INPP4B: variants seen among roughly 807,000 people sequenced by gnomAD.
INPP4B encodes inositol polyphosphate-4-phosphatase type II B, also known as inositol polyphosphate 4-phosphatase type II.
In INPP4B, 55 loss-of-function variants were observed where a neutral mutation model predicts 122.5. That is an observed-to-expected ratio of 0.45 (90% CI 0.36 to 0.56). The LOEUF is 0.56. Ranked by LOEUF, INPP4B falls within the 20% of genes least tolerant of loss-of-function variation. The pLI, the probability that INPP4B is intolerant of heterozygous loss-of-function variation, is 0.00. For synonymous variants in INPP4B, 403 were observed against 388.7 expected (o/e 1.04, Z -0.43); for missense variants, 1,000 against 1,097.7 (o/e 0.91, Z 1.26).
intron 2 of INPP4B, among the ~76,000 whole-genome samples, chr4:142,484,725 A>G (rs1820998338): frequency 6.6e-6 from 1 of 151,948 alleles, no homozygotes; most frequent in Admixed American, 6.6e-5. Flanking sequence ...TAAGCCTAGT[A>G]TCCATTAGTT....
chr4:142,087,832 A>C (rs1199082684), intron 23 of INPP4B, among the ~76,000 whole-genome samples: 2 of 152,196 alleles, frequency 1.3e-5, no homozygotes, highest in Non-Finnish European at 2.9e-5. Flanking sequence ...TACTAGTGAT[A>C]TATATCTAAG....
chr4:142,365,532 A>G (rs1461266931), intron 7 of INPP4B, among the ~76,000 whole-genome samples: 1 of 152,150 alleles, frequency 6.6e-6, no homozygotes, highest in African/African-American at 2.4e-5. Flanking sequence ...AGATGTGGGC[A>G]ATGCACATTG....
chr4:142,618,312 G>T (rs566281145), intron 2 of INPP4B, among the ~76,000 whole-genome samples: 1 of 151,916 alleles, frequency 6.6e-6, no homozygotes, highest in Non-Finnish European at 1.5e-5. Flanking sequence ...GAGAAATCAC[G>T]CTTCCTGGTT....
At chr4:142,833,459 A>G (rs1427001440) in intron 1 of INPP4B, among the ~76,000 whole-genome samples, 1 of 152,134 alleles carries the variant, frequency 6.6e-6, no homozygotes, top group East Asian at 1.9e-4. Flanking sequence ...ATCTTTGAGT[A>G]TAGAATATAA....
At chr4:142,237,842 GA>G (rs781346396) in intron 12 of INPP4B, 21 bp downstream of exon 12, 2 of 1,411,410 alleles carry the variant, frequency 1.4e-6, no homozygotes, top group Non-Finnish European at 1.9e-6. Flanking sequence ...TAATATGAGA[GA>G]AAATAGTTAT....
Position 142,314,716 on chromosome 4 carries a change from A to G in INPP4B, c.419T>C (p.Val140Ala). The G allele has an allele frequency of 3.1e-6, 5 of 1,599,944 alleles. No individual in the cohort carries two copies. Among genetic ancestry groups the G allele is most frequent in the Non-Finnish European group, 4.3e-6 (5 of 1,174,840 alleles). Residue 140 changes from valine to alanine, a missense_variant, in exon 8 of 26, where the codon GTT becomes GCT. Physicochemically the swap from Val to Ala is moderately conservative, Grantham distance 64. Coordinates refer to ENST00000262992, the MANE Select transcript of INPP4B (RefSeq NM_001101669.3). ...LPEHKDPPPE[V>A]GRSFLGYASF... is the part of the protein sequence containing the mutation. Reference sequence around the variant, plus strand: ...GGAAACGTTAGAAACACTTACCCCAACTTCTGGCGGGGGATCCTTATGTTC... The same window carrying G: ...GGAAACGTTAGAAACACTTACCCCAGCTTCTGGCGGGGGATCCTTATGTTC...
chr4:142,391,613 A>T (rs1278865530), intron 7 of INPP4B, among the ~76,000 whole-genome samples: 1 of 152,086 alleles, frequency 6.6e-6, no homozygotes, highest in Non-Finnish European at 1.5e-5. Context: ...AACAAACAAA[A>T]AAAACCATGT....
At chr4:142,451,256 T>A (rs1326760842) in intron 3 of INPP4B, among the ~76,000 whole-genome samples, 1 of 144,700 alleles carries the variant, frequency 6.9e-6, no homozygotes, top group Non-Finnish European at 1.5e-5. Flanking sequence ...GTTTTTTTTT[T>A]TTTTTTTTTT....
rs564813502 is a variant in INPP4B, at chr4:142,156,030, G to A, written c.1563+4328C>T. On this transcript the variant is annotated intron_variant, in intron 17 of 25. Transcript: ENST00000262992. The stretch of plus-strand genomic sequence containing the variant: ...AATGTTTGCCTAGCTTAAGAAAGAA[G>A]ACTAAAATTTTAAATTTGGCTTATA... Among the ~76,000 whole-genome samples, 3 of 149,102 alleles carry A rather than the reference G, an allele frequency of 2.0e-5. No individual in the cohort carries two copies. The East Asian group carries it at 6.0e-4, about 30-fold the overall frequency.
intron 9 of INPP4B, among the ~76,000 whole-genome samples, chr4:142,289,337 G>A (rs1053652695): frequency 2.6e-5 from 4 of 152,006 alleles, no homozygotes; most frequent in Non-Finnish European, 2.9e-5. Context: ...ATCTAAACTC[G>A]ATAATGTTTA....
At position 142,204,699 on chromosome 4, in the gene INPP4B, T is replaced by C. The variant is rs566927294; in HGVS notation, c.1072+3726A>G. Among the ~76,000 whole-genome samples, 24 of 152,074 alleles carry C rather than the reference T, an allele frequency of 1.6e-4. 2 individuals carry two copies. The South Asian group carries it at 4.6e-3, about 29-fold the overall frequency. On this transcript the variant is annotated intron_variant, in intron 14 of 25. Coordinates refer to ENST00000262992, the MANE Select transcript of INPP4B (RefSeq NM_001101669.3). ...ATTTGGATACAGAAACAGACATACA[T>C]AGAGGGCAGGAGAACACCATGAGCA...
chr4:142,251,512 T>A (rs1241915661), intron 11 of INPP4B, among the ~76,000 whole-genome samples: 2 of 152,222 alleles, frequency 1.3e-5, no homozygotes, highest in Non-Finnish European at 2.9e-5. Context: ...GCTTTTAGGA[T>A]GTATGGTTGA....
At chr4:142,318,955 G>C (rs1768938265) in intron 7 of INPP4B, among the ~76,000 whole-genome samples, 4 of 152,162 alleles carry the variant, frequency 2.6e-5, no homozygotes, top group Admixed American at 2.6e-4. Context: ...ATACTCCTCA[G>C]ACTAGTCAAC....
intron 2 of INPP4B, among the ~76,000 whole-genome samples, chr4:142,716,629 C>T (rs143689331): frequency 1.3e-5 from 2 of 152,298 alleles, no homozygotes; most frequent in Non-Finnish European, 2.9e-5. Context: ...CCAATCCTTG[C>T]AGAATCACTG....
intron 2 of INPP4B, among the ~76,000 whole-genome samples, chr4:142,568,315 CTG>C (rs1732088857): frequency 1.3e-5 from 2 of 152,170 alleles, no homozygotes; most frequent in South Asian, 4.2e-4. Context: ...TTCATCACTT[CTG>C]GTAACTTACC....
chr4:142,431,775 G>A (rs1254832566), intron 3 of INPP4B, among the ~76,000 whole-genome samples: 1 of 152,016 alleles, frequency 6.6e-6, no homozygotes, highest in Non-Finnish European at 1.5e-5. Context: ...CTTTCCATTA[G>A]AATTGCCCTT....
chr4:142,396,242 A>T (rs922630363), intron 7 of INPP4B, among the ~76,000 whole-genome samples: 1 of 152,204 alleles, frequency 6.6e-6, no homozygotes, highest in African/African-American at 2.4e-5. Context: ...TCCACAATGT[A>T]TGAAGAACTC....
chr4:142,029,132 T>G, intron 25 of INPP4B: 1 of 1,253,976 alleles, frequency 8.0e-7, no homozygotes. Flanking sequence ...TTAAGTCTCT[T>G]TACTCTTAAC....
intron 2 of INPP4B, among the ~76,000 whole-genome samples, chr4:142,522,854 T>C (rs1826282147): frequency 6.6e-6 from 1 of 152,256 alleles, no homozygotes; most frequent in South Asian, 2.1e-4. Flanking sequence ...CTAATAGTAT[T>C]ATTTAACAAG....
Sources: allele counts gnomAD v4.1 joint callset (sites outside exome capture counted in the v4.1 genomes callset), GRCh38; gene constraint gnomAD v4.1.1; transcripts MANE v1.5; gene names NCBI Gene and HGNC (gene_info 2026-07-23, HGNC 2026-07-21).